The following PODXL variants were observed in gnomAD, a reference collection of about 807,000 sequenced individuals.
PODXL encodes the protein podocalyxin like.
PODXL carries 20 observed loss-of-function variants against 48.9 expected under a neutral mutation model. The ratio of observed to expected loss-of-function variants is 0.41; its 90% confidence interval spans 0.29 to 0.59. The LOEUF (loss-of-function observed/expected upper bound fraction) is 0.59, where lower values mean the gene tolerates loss of function less well. PODXL is among the 20% of genes least tolerant of loss of function. PODXL has a pLI of 0.31. For missense variants in PODXL, 606 were observed against 675.1 expected, an observed-to-expected ratio of 0.90 and a Z score of 1.13; for synonymous variants, 295 against 287.4, an observed-to-expected ratio of 1.03 and a Z score of -0.27.
intron 1 of PODXL, among the ~76,000 whole-genome samples, chr7:131,520,964 T>C (rs1223106781): frequency 6.6e-6 from 1 of 152,158 alleles, no homozygotes. Flanking sequence ...GGTCAGGAGT[T>C]CGAGATAAGT....
In PODXL at chr7:131,538,275, G is replaced by A. The variant is rs113028660; in HGVS notation, c.100+17985C>T. Among the ~76,000 whole-genome samples the A allele has an allele frequency of 9.0e-4, 137 of 152,254 alleles. 2 individuals carry two copies. Among genetic ancestry groups the A allele is most frequent in the African/African-American group, 3.2e-3 (134 of 41,566 alleles). The stretch of plus-strand genomic sequence containing the variant: ...TGTGTCCCAGACCCATTCTCTGACC[G>A]AGCTTCCCATCCCCAAGGCCTGGCA... On this transcript the variant is annotated intron_variant, in intron 1 of 8. Coordinates refer to ENST00000378555, the MANE Select transcript of PODXL (RefSeq NM_001018111.3).
Position 131,511,177 on chromosome 7 carries a change from G to T in PODXL, c.357C>A (p.Thr119=). The T allele has an allele frequency of 6.2e-7, 1 of 1,614,036 alleles. No homozygotes were observed. The highest frequency in any genetic ancestry group is 1.3e-5 in the African/African-American group (1 of 74,988). The change falls in exon 2 of 9, where the codon ACC becomes ACA. Residue 119 remains threonine, a synonymous_variant. Coordinates refer to ENST00000378555, the MANE Select transcript of PODXL (RefSeq NM_001018111.3). ...TTTTTGTGCTCTTGGGGCTCTCGATGGTGGTAGTAGGGTTGCCTGAGCCGC... is the reference window on the plus strand; with the variant it reads ...TTTTTGTGCTCTTGGGGCTCTCGATTGTGGTAGTAGGGTTGCCTGAGCCGC... The part of the protein sequence containing the change: ...RGGGSGNPTT[T]IESPKSTKSA...
At chr7:131,547,161 G>T (rs988005865) in intron 1 of PODXL, among the ~76,000 whole-genome samples, 1 of 152,036 alleles carries the variant, frequency 6.6e-6, no homozygotes, top group Non-Finnish European at 1.5e-5. Context: ...ATCACCTGAG[G>T]TTGGGAGTTC....
Position 131,532,062 on chromosome 7 carries a change from A to G in PODXL, c.101-20629T>C, listed in dbSNP as rs150310360. On this transcript the variant is annotated intron_variant, in intron 1 of 8. Coordinates refer to ENST00000378555, the MANE Select transcript of PODXL (RefSeq NM_001018111.3). ...GTTGCAGTGAGCTGGAGATCGTGCTATTGCACTCCAGCCTGGGCAACAAGA... is the reference window on the plus strand; with the variant it reads ...GTTGCAGTGAGCTGGAGATCGTGCTGTTGCACTCCAGCCTGGGCAACAAGA... 1.8e-3 allele frequency among the ~76,000 whole-genome samples: 279 copies of G among 151,262 alleles called. 1 individual carries two copies. Among genetic ancestry groups the G allele is most frequent in the African/African-American group, 6.6e-3 (274 of 41,220 alleles).
rs201418939 is a variant in PODXL at position 131,524,368 on chromosome 7, A to G, written c.101-12935T>C. On this transcript the variant is annotated intron_variant, in intron 1 of 8. Transcript: ENST00000378555. ...AGGAAACACACACACACACGCACACACACACACACACAGAGAGAGAGAGAG... is the reference window on the plus strand; with the variant it reads ...AGGAAACACACACACACACGCACACGCACACACACACAGAGAGAGAGAGAG... Among the ~76,000 whole-genome samples, 822 of 112,522 alleles carry G rather than the reference A, an allele frequency of 7.3e-3. 10 individuals carry two copies. Among genetic ancestry groups the G allele is most frequent in the Non-Finnish European group, 0.011 (629 of 57,356 alleles). The allele number at this position is 112,522 out of a possible 152,430, so 73.8% of individuals were successfully genotyped here. A position where few individuals can be genotyped will look rare whatever the true frequency, so the allele number is the denominator to read the frequency against.
chr7:131,544,324 T>C (rs560026643), intron 1 of PODXL, among the ~76,000 whole-genome samples: 2 of 152,318 alleles, frequency 1.3e-5, no homozygotes, highest in Admixed American at 6.5e-5. Context: ...CATTCAGAGA[T>C]GTGATTCTGT....
chr7:131,533,589 G>C (rs1259374493), intron 1 of PODXL, among the ~76,000 whole-genome samples: 3 of 152,190 alleles, frequency 2.0e-5, no homozygotes, highest in Non-Finnish European at 4.4e-5. Context: ...CCTGCAGGGA[G>C]GGCACTGTGG....
At chr7:131,524,367 CACACACACACACAGAGAGAGAG>C (rs1188223523) in intron 1 of PODXL, among the ~76,000 whole-genome samples, 10 of 32,720 alleles carry the variant, frequency 3.1e-4, no homozygotes, top group Non-Finnish European at 9.6e-4. Flanking sequence ...CACACGCACA[CACACACACACACAGAGAGAGAG>C]AGAGAGAGAG....
rs1291542333 is a variant in PODXL at position 131,503,237 on chromosome 7, T to C, written c.*1074A>G. The C allele has an allele frequency of 6.5e-6, 1 of 152,700 alleles. No individual in the cohort carries two copies. The highest frequency in any genetic ancestry group is 1.9e-4 in the East Asian group (1 of 5,200). 9.5% of individuals were successfully genotyped at this position (152,700 alleles called of 1,614,324 possible). The stretch of plus-strand genomic sequence containing the variant: ...TTAATGGATTGTCTCTGAAGACACA[T>C]CGCTGATGGGGGGCCCCGGGAAGGC... On this transcript the variant is annotated 3_prime_UTR_variant, in exon 9 of 9. Coordinates refer to ENST00000378555, the MANE Select transcript of PODXL (RefSeq NM_001018111.3).
chr7:131,512,388 C>T (rs776467001), intron 1 of PODXL, among the ~76,000 whole-genome samples: 4 of 151,962 alleles, frequency 2.6e-5, no homozygotes, highest in Non-Finnish European at 5.9e-5. Flanking sequence ...CAGAGACGAG[C>T]GGGGAGGGAC....
intron 1 of PODXL, among the ~76,000 whole-genome samples, chr7:131,548,702 A>G (rs1798621601): frequency 6.6e-6 from 1 of 152,222 alleles, no homozygotes; most frequent in African/African-American, 2.4e-5. Flanking sequence ...GAGCAGCCAA[A>G]TCAAGTTCTA....
At chr7:131,543,885 C>G (rs1463198174) in intron 1 of PODXL, among the ~76,000 whole-genome samples, 3 of 152,168 alleles carry the variant, frequency 2.0e-5, no homozygotes, top group African/African-American at 7.2e-5. Context: ...CCAGCCATTC[C>G]CAATGGCTGA....
At chr7:131,520,664 G>C (rs1798077061) in intron 1 of PODXL, among the ~76,000 whole-genome samples, 1 of 152,198 alleles carries the variant, frequency 6.6e-6, no homozygotes, top group South Asian at 2.1e-4. Flanking sequence ...AGCACAATCT[G>C]TTCTGCTCTA....
intron 5 of PODXL, 59 bp downstream of exon 5, chr7:131,508,892 C>T: frequency 8.6e-7 from 1 of 1,165,966 alleles, no homozygotes; most frequent in South Asian, 1.2e-5. Flanking sequence ...CATTCCCTCT[C>T]CCTCCCTCAG....
intron 1 of PODXL, among the ~76,000 whole-genome samples, chr7:131,525,487 G>A (rs1435459215): frequency 2.0e-5 from 3 of 147,546 alleles, no homozygotes; most frequent in Non-Finnish European, 4.5e-5. Flanking sequence ...GTGCGTGCCT[G>A]TAATCCCAGC....
At chr7:131,551,855 T>C (rs1562920517) in intron 1 of PODXL, among the ~76,000 whole-genome samples, 1 of 150,650 alleles carries the variant, frequency 6.6e-6, no homozygotes, top group African/African-American at 2.5e-5. Context: ...GAGAATGGCG[T>C]GAACCCGGGA....
At chr7:131,552,479 C>T (rs1004275395) in intron 1 of PODXL, among the ~76,000 whole-genome samples, 1 of 152,188 alleles carries the variant, frequency 6.6e-6, no homozygotes, top group African/African-American at 2.4e-5. Flanking sequence ...GCAGCACCCT[C>T]CTCTCCTTTC....
chr7:131,552,666 T>C (rs1428401547), intron 1 of PODXL, among the ~76,000 whole-genome samples: 1 of 152,136 alleles, frequency 6.6e-6, no homozygotes, highest in African/African-American at 2.4e-5. Context: ...CAGGTGCTTT[T>C]GGGTCTGCCC....
Position 131,541,772 on chromosome 7 carries a change from A to G in PODXL, c.100+14488T>C, listed in dbSNP as rs115033389. ...CCTGCCAGGGCCTGCAGGGAAAGTT[A>G]AAGGCCATGTTCCTTTTAAACAAAG... On this transcript the variant is annotated intron_variant, in intron 1 of 8. Coordinates refer to ENST00000378555, the MANE Select transcript of PODXL (RefSeq NM_001018111.3). Among the ~76,000 whole-genome samples the G allele has an allele frequency of 3.2e-3, 488 of 152,212 alleles. 3 individuals carry two copies. Among genetic ancestry groups the G allele is most frequent in the African/African-American group, 0.011 (445 of 41,558 alleles).
Sources: gnomAD v4.1 joint callset for allele counts (sites outside exome capture counted in the v4.1 genomes callset) on GRCh38, gnomAD v4.1.1 for gene constraint, MANE v1.5 for transcripts, NCBI Gene and HGNC (gene_info 2026-07-23, HGNC 2026-07-21) for gene names.